The following ASIC2 variants were observed in gnomAD, a reference collection of about 807,000 sequenced individuals.
ASIC2 encodes acid sensing ion channel subunit 2.
Under a neutral mutation model 57.3 loss-of-function variants are expected in ASIC2, and 25 were observed. The ratio of observed to expected loss-of-function variants is 0.44; its 90% CI spans 0.32 to 0.61. ASIC2 has a LOEUF of 0.61. ASIC2 is among the 20% of genes least tolerant of loss of function. The pLI is 0.06. For synonymous variants in ASIC2, 319 were observed against 307.5 expected, an observed-to-expected ratio of 1.04 and a Z score of -0.39; for missense variants, 641 against 738.1, an observed-to-expected ratio of 0.87 and a Z score of 1.52.
At chr17:33,850,848 G>A (rs1005549753) in intron 1 of ASIC2, among the ~76,000 whole-genome samples, 4 of 151,844 alleles carry the variant, frequency 2.6e-5, no homozygotes, top group African/African-American at 4.8e-5. Flanking sequence ...GCAGTATCTC[G>A]GTGCCATTAC....
chr17:33,579,765 C>G (rs182457243), intron 1 of ASIC2, among the ~76,000 whole-genome samples: 4 of 152,144 alleles, frequency 2.6e-5, no homozygotes, highest in African/African-American at 4.8e-5. Flanking sequence ...AAAACTCATT[C>G]AGAAGAGCAA....
chr17:33,041,884 G>C (rs1016185807), intron 3 of ASIC2, among the ~76,000 whole-genome samples: 2 of 152,166 alleles, frequency 1.3e-5, no homozygotes, highest in South Asian at 2.1e-4. Flanking sequence ...ACTATACTCC[G>C]AGAGGCCCTA....
intron 1 of ASIC2, among the ~76,000 whole-genome samples, chr17:33,243,758 T>G (rs923008992): frequency 6.6e-6 from 1 of 152,244 alleles, no homozygotes; most frequent in African/African-American, 2.4e-5. Flanking sequence ...AAATACTTTT[T>G]AGTATGAAAA....
At chr17:33,528,436 T>C (rs1402721597) in intron 1 of ASIC2, among the ~76,000 whole-genome samples, 2 of 152,078 alleles carry the variant, frequency 1.3e-5, no homozygotes, top group Non-Finnish European at 1.5e-5. Flanking sequence ...TTTCTACACT[T>C]ATAATAAATA....
intron 1 of ASIC2, among the ~76,000 whole-genome samples, chr17:33,384,008 A>C (rs1393233366): frequency 1.3e-5 from 2 of 152,226 alleles, no homozygotes; most frequent in African/African-American, 2.4e-5. Context: ...ATGCATTATT[A>C]AAAGTAGAGG....
chr17:34,094,258 T>C (rs1011976398), intron 1 of ASIC2, among the ~76,000 whole-genome samples: 3 of 152,160 alleles, frequency 2.0e-5, no homozygotes, highest in African/African-American at 7.2e-5. Context: ...CCCTTACTAA[T>C]CTGAGACCTT....
At chr17:33,179,979 A>G (rs1050284812) in intron 1 of ASIC2, among the ~76,000 whole-genome samples, 5 of 152,220 alleles carry the variant, frequency 3.3e-5, no homozygotes, top group African/African-American at 9.6e-5. Context: ...GTTTCAATCT[A>G]TCTGTAATTC....
chr17:33,296,398 A>G (rs988873940), upstream of ASIC2, among the ~76,000 whole-genome samples: 1 of 152,108 alleles, frequency 6.6e-6, no homozygotes, highest in Admixed American at 6.5e-5. Context: ...TGGACACAAT[A>G]GCTCCTGTGG....
In ASIC2 at chr17:34,088,763, G is replaced by A. The variant is rs546709078; in HGVS notation, c.555+67215C>T. 1.1e-3 allele frequency among the ~76,000 whole-genome samples: 163 copies of A among 152,300 alleles called. 2 individuals are homozygous for A. Among genetic ancestry groups the A allele is most frequent in the African/African-American group, 3.5e-3 (146 of 41,574 alleles). On this transcript the variant is annotated intron_variant, in intron 1 of 9. Coordinates refer to the ASIC2 transcript ENST00000359872. ...ATGGCGGGCGCCCCTCCCCAGCCTCGCTGCAGCCTTGCAGTTTGATCTCAG... is the reference window on the plus strand; with the variant it reads ...ATGGCGGGCGCCCCTCCCCAGCCTCACTGCAGCCTTGCAGTTTGATCTCAG...
At chr17:33,956,216 C>T (rs539577790) in intron 1 of ASIC2, among the ~76,000 whole-genome samples, 11 of 152,262 alleles carry the variant, frequency 7.2e-5, no homozygotes, top group African/African-American at 1.9e-4. Flanking sequence ...GGAGCGGGAG[C>T]GCTGGGAAAG....
intron 1 of ASIC2, among the ~76,000 whole-genome samples, chr17:33,951,904 T>G (rs1045604928): frequency 1.3e-5 from 2 of 152,102 alleles, no homozygotes; most frequent in Non-Finnish European, 2.9e-5. Flanking sequence ...TCTTCCTCCT[T>G]TCTTACTGAA....
intron 1 of ASIC2, among the ~76,000 whole-genome samples, chr17:33,948,646 G>A (rs180771953): frequency 6.6e-6 from 1 of 152,338 alleles, no homozygotes; most frequent in East Asian, 1.9e-4. Context: ...TGGAATCCAA[G>A]AGCTGCCCTG....
chr17:33,601,974 C>T (rs1406825771), intron 1 of ASIC2, among the ~76,000 whole-genome samples: 1 of 152,222 alleles, frequency 6.6e-6, no homozygotes, highest in Non-Finnish European at 1.5e-5. Context: ...CTATCCTGTG[C>T]CTGTCCCATC....
At chr17:33,406,070 C>G (rs1028699722) in intron 1 of ASIC2, among the ~76,000 whole-genome samples, 3 of 152,198 alleles carry the variant, frequency 2.0e-5, no homozygotes, top group Non-Finnish European at 1.5e-5. Flanking sequence ...CCTTCTGCCT[C>G]CTGACCCAAC....
At chr17:33,253,834 T>C (rs746299499) in intron 1 of ASIC2, among the ~76,000 whole-genome samples, 14 of 152,180 alleles carry the variant, frequency 9.2e-5, no homozygotes, top group Non-Finnish European at 1.9e-4. Flanking sequence ...TTGGTGGATG[T>C]TCCAGCCCCA....
intron 2 of ASIC2, among the ~76,000 whole-genome samples, chr17:33,092,170 C>T (rs1049183197): frequency 3.9e-5 from 6 of 152,326 alleles, no homozygotes; most frequent in South Asian, 2.1e-4. Flanking sequence ...GGTCAAACCA[C>T]GACCATAGTT....
At chr17:33,389,570 C>A (rs1193647406) in intron 1 of ASIC2, among the ~76,000 whole-genome samples, 1 of 152,154 alleles carries the variant, frequency 6.6e-6, no homozygotes, top group Non-Finnish European at 1.5e-5. Context: ...AACTATGAGG[C>A]TAGCTGTGAT....
chr17:34,059,043 T>G (rs975460236), intron 1 of ASIC2, among the ~76,000 whole-genome samples: 7 of 152,164 alleles, frequency 4.6e-5, no homozygotes, highest in African/African-American at 1.2e-4. Flanking sequence ...CAGAGCAGCA[T>G]GTGGAGGCTT....
chr17:33,093,565 C>T (rs1287603551), intron 2 of ASIC2, among the ~76,000 whole-genome samples: 1 of 152,098 alleles, frequency 6.6e-6, no homozygotes, highest in Non-Finnish European at 1.5e-5. Context: ...AAAGATAATG[C>T]TGAACCAAGA....
Sources: gnomAD v4.1 joint callset for allele counts (sites outside exome capture counted in the v4.1 genomes callset) on GRCh38, gnomAD v4.1.1 for gene constraint, MANE v1.5 for transcripts, NCBI Gene and HGNC (gene_info 2026-07-23, HGNC 2026-07-21) for gene names.